The following TNFSF4 variants were observed in gnomAD, a reference collection of about 807,000 sequenced individuals.
TNFSF4 encodes the protein TNF superfamily member 4, also known as tumor necrosis factor ligand superfamily member 4.
In TNFSF4, 4 loss-of-function variants were observed where a neutral mutation model predicts 7.3. The ratio of observed to expected loss-of-function variants is 0.55; its 90% CI spans 0.27 to 1.25. The LOEUF is 1.25. Ranked by LOEUF, TNFSF4 falls within the 50% of genes most tolerant of loss-of-function variation. TNFSF4 has a pLI of 0.12. For synonymous variants in TNFSF4, 76 were observed against 83.7 expected (o/e 0.91, Z 0.50); for missense variants, 181 against 208.8 (o/e 0.87, Z 0.82).
At chr1:173,176,274 T>G in the TNFSF4 span, among the ~76,000 whole-genome samples, 2 of 151,958 alleles carry the variant, frequency 1.3e-5, no homozygotes, top group Admixed American at 6.6e-5. Context: ...CAAAAAAAAA[T>G]TAACCAAGGG....
chr1:173,218,017 G>A, the TNFSF4 span, among the ~76,000 whole-genome samples: 1 of 152,126 alleles, frequency 6.6e-6, no homozygotes, highest in African/African-American at 2.4e-5. Context: ...CCAAAGTGTT[G>A]GGATTATAGG....
the TNFSF4 span, among the ~76,000 whole-genome samples, chr1:173,448,222 G>A: frequency 6.6e-6 from 1 of 152,154 alleles, no homozygotes. Flanking sequence ...CAGAAAATCA[G>A]TACCAACAGA....
chr1:173,323,455 C>T, the TNFSF4 span, among the ~76,000 whole-genome samples: 3 of 152,284 alleles, frequency 2.0e-5, no homozygotes, highest in Admixed American at 1.3e-4. Flanking sequence ...AAGCAGAGTG[C>T]CTCTCCTCCT....
chr1:173,206,042 C>T (rs1650173881), intron 1 of TNFSF4, among the ~76,000 whole-genome samples: 1 of 152,200 alleles, frequency 6.6e-6, no homozygotes, highest in Non-Finnish European at 1.5e-5. Flanking sequence ...CTGCTCATCT[C>T]ATTCTGGTTT....
the TNFSF4 span, among the ~76,000 whole-genome samples, chr1:173,347,604 G>A: frequency 2.6e-5 from 4 of 152,224 alleles, no homozygotes; most frequent in Non-Finnish European, 5.9e-5. Flanking sequence ...TCTATTGGAA[G>A]AAGGCAGGCA....
the TNFSF4 span, among the ~76,000 whole-genome samples, chr1:173,384,861 A>G: frequency 2.6e-5 from 4 of 152,174 alleles, no homozygotes; most frequent in Non-Finnish European, 5.9e-5. Flanking sequence ...CTACTTACCT[A>G]TGTTAAATAT....
At chr1:173,222,721 G>C in the TNFSF4 span, among the ~76,000 whole-genome samples, 1 of 152,166 alleles carries the variant, frequency 6.6e-6, no homozygotes, top group Admixed American at 6.5e-5. Context: ...GTTGGAAGGA[G>C]GGTGATCCTT....
the TNFSF4 span, among the ~76,000 whole-genome samples, chr1:173,235,248 A>G: frequency 6.6e-6 from 1 of 152,140 alleles, no homozygotes; most frequent in Non-Finnish European, 1.5e-5. Context: ...CACAACCAGG[A>G]AAAATTAGGT....
the TNFSF4 span, among the ~76,000 whole-genome samples, chr1:173,439,013 A>G: frequency 6.6e-6 from 1 of 152,208 alleles, no homozygotes; most frequent in African/African-American, 2.4e-5. Flanking sequence ...CACCCCATCA[A>G]TACAAGCTGA....
At chr1:173,212,542 G>A in the TNFSF4 span, among the ~76,000 whole-genome samples, 3 of 151,278 alleles carry the variant, frequency 2.0e-5, no homozygotes, top group East Asian at 1.9e-4. Flanking sequence ...TCTATTTCAC[G>A]GGGAGGAGGG....
At chr1:173,205,462 A>C in intron 1 of TNFSF4, 1 of 1,539,914 alleles carries the variant, frequency 6.5e-7, no homozygotes, top group Non-Finnish European at 8.8e-7. Context: ...CCCAACCACC[A>C]GCAAGCTGTA....
the TNFSF4 span, among the ~76,000 whole-genome samples, chr1:173,265,974 G>GAT: frequency 6.6e-6 from 1 of 152,190 alleles, no homozygotes; most frequent in African/African-American, 2.4e-5. Context: ...CTTATGGAGT[G>GAT]ATATATAAGT....
the TNFSF4 span, chr1:173,440,849 G>A: frequency 1.3e-5 from 2 of 152,200 alleles, no homozygotes; most frequent in Middle Eastern, 3.4e-3. Context: ...AATCTGTAAG[G>A]TTTAAAATCC....
the TNFSF4 span, among the ~76,000 whole-genome samples, chr1:173,285,945 C>T: frequency 6.6e-6 from 1 of 152,272 alleles, no homozygotes; most frequent in Admixed American, 6.5e-5. Flanking sequence ...CTTGACAATA[C>T]TTACTCTGAC....
the TNFSF4 span, among the ~76,000 whole-genome samples, chr1:173,389,807 T>C: frequency 6.6e-6 from 1 of 152,206 alleles, no homozygotes; most frequent in Non-Finnish European, 1.5e-5. Context: ...GAGTTTCTAA[T>C]GTCAGTGACT....
chr1:173,387,773 T>A, the TNFSF4 span, among the ~76,000 whole-genome samples: 1 of 152,228 alleles, frequency 6.6e-6, no homozygotes, highest in African/African-American at 2.4e-5. Flanking sequence ...AAAAAATTGT[T>A]CATTAACCAT....
the TNFSF4 span, among the ~76,000 whole-genome samples, chr1:173,395,203 G>A: frequency 6.6e-6 from 1 of 151,036 alleles, no homozygotes; most frequent in Non-Finnish European, 1.5e-5. Flanking sequence ...CAGGGTTCTG[G>A]AATTGGCTCC....
intron 1 of TNFSF4, among the ~76,000 whole-genome samples, chr1:173,204,245 A>C (rs561494140): frequency 6.6e-6 from 1 of 152,198 alleles, no homozygotes; most frequent in African/African-American, 2.4e-5. Flanking sequence ...TACTCATAAG[A>C]TATTGAGCTG....
the TNFSF4 span, among the ~76,000 whole-genome samples, chr1:173,291,159 G>C: frequency 6.6e-6 from 1 of 152,160 alleles, no homozygotes; most frequent in Non-Finnish European, 1.5e-5. Flanking sequence ...TTCACTCCTA[G>C]TGGAAGGCAA....
Sources: gnomAD v4.1 joint callset for allele counts (sites outside exome capture counted in the v4.1 genomes callset) on GRCh38, gnomAD v4.1.1 for gene constraint, MANE v1.5 for transcripts, NCBI Gene and HGNC (gene_info 2026-07-23, HGNC 2026-07-21) for gene names.